Variants in MIB1 observed in about 807,000 individuals in gnomAD.
MIB1 encodes the protein E3 ubiquitin-protein ligase MIB1.
MIB1 carries 278 observed loss-of-function variants against 124.5 expected under a neutral mutation model. The observed-to-expected ratio is 2.23, with a 90% confidence interval of 2.02 to 2.47. The LOEUF (loss-of-function observed/expected upper bound fraction) is 2.47. Among genes scored for constraint, MIB1 ranks in the 30% most tolerant of loss-of-function variants. The probability of loss-of-function intolerance (pLI) is 0.00; values close to 1 mark genes in which losing one functional copy is unlikely to be tolerated. For missense variants in MIB1, 957 were observed against 1,254.4 expected (o/e 0.76, Z 3.58); for synonymous variants, 446 against 429.4 (o/e 1.04, Z -0.48).
At chr18:21,806,147 G>A (rs998443219) in intron 10 of MIB1, among the ~76,000 whole-genome samples, 1 of 150,824 alleles carries the variant, frequency 6.6e-6, no homozygotes. Context: ...GAGTGATTTC[G>A]CTTACCTCAG....
intron 7 of MIB1, among the ~76,000 whole-genome samples, chr18:21,792,361 A>C (rs2041515108): frequency 1.3e-5 from 2 of 149,302 alleles, no homozygotes; most frequent in Non-Finnish European, 1.5e-5. Flanking sequence ...TATTACCCCC[A>C]CTCTACTGTA....
At chr18:21,748,730 CTTTTTTTTTTTT>C (rs557338460) in intron 1 of MIB1, among the ~76,000 whole-genome samples, 4 of 107,136 alleles carry the variant, frequency 3.7e-5, no homozygotes, top group Non-Finnish European at 5.5e-5. Flanking sequence ...CATGCCCAGC[CTTTTTTTTTTTT>C]TTTTTTTTTT....
intron 3 of MIB1, 42 bp downstream of exon 3, chr18:21,768,794 A>T: frequency 6.5e-7 from 1 of 1,545,904 alleles, no homozygotes. Context: ...CTAGAGTATT[A>T]TATGTTCAGA....
chr18:21,863,234 G>A (rs779988769), intron 20 of MIB1, among the ~76,000 whole-genome samples: 4 of 152,194 alleles, frequency 2.6e-5, no homozygotes, highest in African/African-American at 7.2e-5. Context: ...TAGTTCTGCC[G>A]TCCACGGACA....
chr18:21,758,967 A>T (rs912332776), intron 1 of MIB1, among the ~76,000 whole-genome samples: 5 of 152,134 alleles, frequency 3.3e-5, no homozygotes, highest in African/African-American at 1.2e-4. Flanking sequence ...CATAACATTT[A>T]ATGTATACAA....
At chr18:21,859,715 C>A (rs1486590789) in intron 20 of MIB1, among the ~76,000 whole-genome samples, 1 of 151,556 alleles carries the variant, frequency 6.6e-6, no homozygotes, top group African/African-American at 2.4e-5. Context: ...ATGGCAAAAC[C>A]CCGTCTCTAC....
chr18:21,781,369 AT>A (rs1448474068), intron 6 of MIB1, among the ~76,000 whole-genome samples: 1 of 10,508 alleles, frequency 9.5e-5, no homozygotes, highest in African/African-American at 6.8e-4. Flanking sequence ...TTCAAGTTAT[AT>A]ATATATATAT....
intron 10 of MIB1, among the ~76,000 whole-genome samples, chr18:21,806,488 C>A (rs2146463067): frequency 6.6e-6 from 1 of 152,242 alleles, no homozygotes; most frequent in East Asian, 1.9e-4. Flanking sequence ...AAGTGTGAGC[C>A]ATTGCGCCCA....
chr18:21,715,365 G>A (rs556342889), intron 1 of MIB1, among the ~76,000 whole-genome samples: 6 of 152,278 alleles, frequency 3.9e-5, no homozygotes, highest in African/African-American at 1.2e-4. Context: ...CTGAACAACA[G>A]CCTTCATCCC....
intron 10 of MIB1, among the ~76,000 whole-genome samples, chr18:21,807,263 T>C (rs894758649): frequency 6.6e-6 from 1 of 152,122 alleles, no homozygotes; most frequent in Non-Finnish European, 1.5e-5. Flanking sequence ...AAACCATGTC[T>C]CTATTAAAAA....
At chr18:21,747,849 C>T (rs2040928829) in intron 1 of MIB1, among the ~76,000 whole-genome samples, 1 of 152,148 alleles carries the variant, frequency 6.6e-6, no homozygotes, top group South Asian at 2.1e-4. Flanking sequence ...CACATGTGTG[C>T]TTTCATCTGT....
At chr18:21,765,280 C>G (rs1341201643) in intron 1 of MIB1, among the ~76,000 whole-genome samples, 1 of 152,136 alleles carries the variant, frequency 6.6e-6, no homozygotes, top group Non-Finnish European at 1.5e-5. Flanking sequence ...CTAACTTTTC[C>G]TGACTATGGG....
intron 3 of MIB1, among the ~76,000 whole-genome samples, chr18:21,772,216 A>C (rs1243461524): frequency 6.6e-6 from 1 of 152,196 alleles, no homozygotes. Context: ...ATTTAAAGTA[A>C]TAGTTTTTAA....
intron 7 of MIB1, chr18:21,794,160 TA>T (rs2041546487): frequency 6.6e-6 from 1 of 151,496 alleles, no homozygotes; most frequent in Non-Finnish European, 1.5e-5. Context: ...GACTGACTCT[TA>T]AAAAAAATTG....
Position 21,849,227 on chromosome 18 carries a change from A to G in MIB1, c.2425A>G (p.Ile809Val). ...GQVGSRSPSM[I>V]SNDSETLEEC... ...AGTGGGTTCTCGGAGTCCTTCTATG[A>G]TTAGTAATGATTCTGAAACCTTAGA... The change falls in exon 17 of 21, where the codon ATT becomes GTT. Residue 809 changes from isoleucine (I) to valine (V), a missense_variant. Ile to Val is a conservative substitution (Grantham distance 29). Coordinates refer to ENST00000261537, the MANE Select transcript of MIB1 (RefSeq NM_020774.4). The G allele has an allele frequency of 6.3e-7, 1 of 1,597,062 alleles. No individual in the cohort carries two copies. The highest frequency in any genetic ancestry group is 8.5e-7 in the Non-Finnish European group (1 of 1,172,868).
intron 15 of MIB1, among the ~76,000 whole-genome samples, chr18:21,846,483 T>G (rs1409877149): frequency 6.6e-6 from 1 of 152,228 alleles, no homozygotes; most frequent in Non-Finnish European, 1.5e-5. Flanking sequence ...ATTCTCCGTA[T>G]CTTGGCTCAA....
chr18:21,723,584 C>T (rs938371687), intron 1 of MIB1, among the ~76,000 whole-genome samples: 15 of 152,064 alleles, frequency 9.9e-5, no homozygotes, highest in Admixed American at 6.6e-4. Context: ...GGTGCTATCT[C>T]GGCTCACTGC....
intron 10 of MIB1, among the ~76,000 whole-genome samples, chr18:21,814,377 CTT>C (rs35174195): frequency 4.4e-5 from 6 of 137,076 alleles, no homozygotes; most frequent in Admixed American, 7.2e-5. Context: ...GTTTGGCATT[CTT>C]TTTTTTTTTT....
chr18:21,775,734 A>G (rs1053955902), intron 4 of MIB1, among the ~76,000 whole-genome samples: 13 of 152,230 alleles, frequency 8.5e-5, no homozygotes, highest in Middle Eastern at 3.4e-3. Context: ...CCTGTGTGCT[A>G]TATGTGCTCA....
Sources: allele counts gnomAD v4.1 joint callset (sites outside exome capture counted in the v4.1 genomes callset), GRCh38; gene constraint gnomAD v4.1.1; transcripts MANE v1.5; gene names NCBI Gene and HGNC (gene_info 2026-07-23, HGNC 2026-07-21).